Variants in CHRNA3 observed in about 807,000 individuals in gnomAD.
CHRNA3 encodes neuronal acetylcholine receptor subunit alpha-3.
Under a neutral mutation model 41.9 loss-of-function variants are expected in CHRNA3, and 34 were observed. That is an observed-to-expected ratio of 0.81 (90% CI 0.62 to 1.08). The LOEUF is 1.08. Among genes scored for constraint, CHRNA3 ranks in the 50% least tolerant of loss-of-function variants. The pLI is 0.00. For synonymous variants in CHRNA3, 281 were observed against 265.2 expected (o/e 1.06, Z -0.58); for missense variants, 542 against 638.3 (o/e 0.85, Z 1.63).
chr15:78,619,479 G>A (rs983022780), intron 1 of CHRNA3, among the ~76,000 whole-genome samples: 31 of 152,038 alleles, frequency 2.0e-4, no homozygotes, highest in African/African-American at 6.8e-4. Flanking sequence ...GGCCAACCAC[G>A]GTCGCCCAGG....
chr15:78,613,925 G>A lies in CHRNA3; in HGVS notation c.377+3099C>T, dbSNP rs531277567. On this transcript the variant is annotated intron_variant, in intron 4 of 5. Transcript: ENST00000326828. ...CATGCCACTGCACTCCAGCCTGGGC[G>A]ACAGAGTGAGACTCCATCTCGGGGT... Among the ~76,000 whole-genome samples the A allele has an allele frequency of 9.9e-5, 15 of 151,740 alleles. No individual in the cohort carries two copies. In the South Asian group the frequency reaches 3.2e-3, roughly 32 times the overall value.
At chr15:78,620,410 C>T (rs2053531532) in intron 1 of CHRNA3, 3 of 263,910 alleles carry the variant, frequency 1.1e-5, no homozygotes, top group Admixed American at 7.3e-5. Context: ...CGCGAATCCC[C>T]AACTCCTGCG....
chr15:78,593,153 TTTTCG>T (rs773626999), downstream of CHRNA3: 28 of 1,613,854 alleles, frequency 1.7e-5, no homozygotes, highest in East Asian at 4.5e-5. Flanking sequence ...TGGACTTTTC[TTTTCG>T]TTTCAATTGT....
intron 1 of CHRNA3, chr15:78,620,296 C>T (rs967043008): frequency 1.1e-5 from 2 of 186,850 alleles, no homozygotes; most frequent in Admixed American, 6.4e-5. Context: ...TCAGCCATCT[C>T]CGTCAAATGA....
At chr15:78,594,775 ATAT>A (rs1299514011), downstream of CHRNA3, 1 of 152,194 alleles carries the variant, frequency 6.6e-6, no homozygotes, top group Non-Finnish European at 1.5e-5. Context: ...TATACCTGTA[ATAT>A]TTCAGTTTTC....
At chr15:78,618,121 G>C (rs8192477) in intron 3 of CHRNA3, among the ~76,000 whole-genome samples, 56,151 of 151,534 alleles carry the variant, frequency 0.37, 11,462 homozygotes, top group East Asian at 0.53. Flanking sequence ...GTGGTGCACA[G>C]CTGTGGTCCC....
At chr15:78,593,351 G>A (rs2141427434), downstream of CHRNA3, 1 of 1,256,438 alleles carries the variant, frequency 8.0e-7, no homozygotes, top group South Asian at 1.8e-5. Context: ...TAAATTTAGT[G>A]CAAGCTTTAA....
chr15:78,605,000 G>A (rs1214556222), intron 4 of CHRNA3, among the ~76,000 whole-genome samples: 2 of 47,932 alleles, frequency 4.2e-5, no homozygotes, highest in African/African-American at 1.6e-4. Flanking sequence ...GTGACAGAGT[G>A]AGATTCTGTC....
chr15:78,611,321 A>G (rs2053376335), intron 4 of CHRNA3, among the ~76,000 whole-genome samples: 1 of 152,060 alleles, frequency 6.6e-6, no homozygotes, highest in South Asian at 2.1e-4. Flanking sequence ...AAAATCCTCA[A>G]TAAAATACTG....
At chr15:78,620,391 G>GCGCGGGGCAGGGCGACGGGCAT in intron 1 of CHRNA3, 4 of 361,278 alleles carry the variant, frequency 1.1e-5, no homozygotes, top group South Asian at 4.4e-5. Context: ...GCGACGGGCA[G>GCGCGGGGCAGGGCGACGGGCAT]CGCGGGGACG....
chr15:78,605,409 G>C (rs181349226), intron 4 of CHRNA3, among the ~76,000 whole-genome samples: 1 of 152,256 alleles, frequency 6.6e-6, no homozygotes, highest in East Asian at 1.9e-4. Flanking sequence ...GATTAGCTGC[G>C]GGGTAGAGGC....
At chr15:78,608,541 TAACA>T (rs766526619) in intron 4 of CHRNA3, among the ~76,000 whole-genome samples, 5 of 152,260 alleles carry the variant, frequency 3.3e-5, no homozygotes, top group Middle Eastern at 6.8e-3. Flanking sequence ...GAAGGAAAAC[TAACA>T]AACAGAAAGC....
At chr15:78,606,320 A>C (rs1246604326) in intron 4 of CHRNA3, among the ~76,000 whole-genome samples, 1 of 129,950 alleles carries the variant, frequency 7.7e-6, no homozygotes, top group African/African-American at 2.8e-5. Context: ...GAGCAAAAAA[A>C]CAGAAGATGT....
intron 4 of CHRNA3, among the ~76,000 whole-genome samples, chr15:78,603,412 G>T (rs559961680): frequency 6.6e-6 from 1 of 152,218 alleles, no homozygotes; most frequent in Non-Finnish European, 1.5e-5. Context: ...TTCCATCCGC[G>T]ATGGCCAGAT....
At chr15:78,617,912 C>T (rs760109022) in intron 3 of CHRNA3, among the ~76,000 whole-genome samples, 1 of 152,174 alleles carries the variant, frequency 6.6e-6, no homozygotes, top group African/African-American at 2.4e-5. Context: ...AAAATCTACT[C>T]CCACGCTACC....
At chr15:78,614,660 A>C (rs989683090) in intron 4 of CHRNA3, among the ~76,000 whole-genome samples, 2 of 152,242 alleles carry the variant, frequency 1.3e-5, no homozygotes, top group African/African-American at 4.8e-5. Context: ...CTTAGCATTA[A>C]AATCAGAATA....
intron 4 of CHRNA3, among the ~76,000 whole-genome samples, chr15:78,604,047 C>A (rs2053246063): frequency 1.3e-5 from 2 of 152,144 alleles, no homozygotes; most frequent in Non-Finnish European, 2.9e-5. Context: ...CATACAGCAT[C>A]CTGGATCAAC....
At chr15:78,615,798 G>A (rs2053452673) in intron 4 of CHRNA3, among the ~76,000 whole-genome samples, 1 of 142,378 alleles carries the variant, frequency 7.0e-6, no homozygotes, top group Admixed American at 7.4e-5. Context: ...CTGGAGTACA[G>A]TGGTGTGATC....
At chr15:78,610,239 C>T (rs1041689103) in intron 4 of CHRNA3, among the ~76,000 whole-genome samples, 2 of 152,210 alleles carry the variant, frequency 1.3e-5, no homozygotes, top group African/African-American at 4.8e-5. Flanking sequence ...TAGACATCTA[C>T]AGAACTCTCC....
Sources: gnomAD v4.1 joint callset for allele counts (sites outside exome capture counted in the v4.1 genomes callset) on GRCh38, gnomAD v4.1.1 for gene constraint, MANE v1.5 for transcripts, NCBI Gene and HGNC (gene_info 2026-07-23, HGNC 2026-07-21) for gene names.